Variants in MICU2 observed in about 807,000 individuals in gnomAD.
MICU2 encodes the protein calcium uptake protein 2, mitochondrial.
Under a neutral mutation model 60.4 loss-of-function variants are expected in MICU2, and 64 were observed. The observed-to-expected ratio is 1.06, with a 90% CI of 0.87 to 1.31. MICU2 has a LOEUF of 1.31. MICU2 is among the 50% of genes most tolerant of loss of function. The probability of loss-of-function intolerance (pLI) is 0.00; values close to 1 mark genes in which losing one functional copy is unlikely to be tolerated. For synonymous variants in MICU2, 201 were observed against 175.0 expected (o/e 1.15, Z -1.17); for missense variants, 569 against 531.0 (o/e 1.07, Z -0.70).
intron 4 of MICU2, among the ~76,000 whole-genome samples, chr13:21,526,875 T>G (rs1886870817): frequency 6.6e-6 from 1 of 151,686 alleles, no homozygotes; most frequent in Non-Finnish European, 1.5e-5. Flanking sequence ...GTGATGACGG[T>G]GGGAATGTAT....
chr13:21,581,356 G>A (rs980199153), intron 1 of MICU2, among the ~76,000 whole-genome samples: 23 of 152,302 alleles, frequency 1.5e-4, no homozygotes, highest in Non-Finnish European at 1.5e-5. Flanking sequence ...GGCCTCAAGT[G>A]ATCCACCCAC....
chr13:21,554,600 C>A (rs1023769475), intron 2 of MICU2, among the ~76,000 whole-genome samples: 3 of 152,000 alleles, frequency 2.0e-5, no homozygotes, highest in Non-Finnish European at 2.9e-5. Context: ...AAAATTGACA[C>A]CCTAACATCA....
chr13:21,498,263 C>T (rs1013659451), intron 9 of MICU2, among the ~76,000 whole-genome samples: 1 of 151,028 alleles, frequency 6.6e-6, no homozygotes, highest in African/African-American at 2.4e-5. Flanking sequence ...AAAATTCAAA[C>T]AACATGAAGG....
intron 2 of MICU2, among the ~76,000 whole-genome samples, chr13:21,563,530 T>C (rs1481778240): frequency 2.0e-5 from 3 of 152,156 alleles, no homozygotes; most frequent in Non-Finnish European, 4.4e-5. Flanking sequence ...CTTGGTGTTT[T>C]TGTGAACTTC....
At chr13:21,524,256 A>C (rs182621427) in intron 4 of MICU2, among the ~76,000 whole-genome samples, 248 of 152,282 alleles carry the variant, frequency 1.6e-3, no homozygotes, top group African/African-American at 5.7e-3. Context: ...ATTATATATA[A>C]TTATATTAAA....
chr13:21,587,498 A>T (rs74782245), intron 1 of MICU2, among the ~76,000 whole-genome samples: 3,688 of 152,330 alleles, frequency 0.024, 123 homozygotes, highest in African/African-American at 0.079. Flanking sequence ...AAAGTGCATG[A>T]ATCATGAGGA....
intron 7 of MICU2, among the ~76,000 whole-genome samples, chr13:21,511,469 C>T (rs1276664789): frequency 6.6e-6 from 1 of 152,090 alleles, no homozygotes; most frequent in African/African-American, 2.4e-5. Flanking sequence ...CTCATGAGAC[C>T]TTTAAAGAAA....
chr13:21,547,127 T>C (rs372026651), intron 2 of MICU2, among the ~76,000 whole-genome samples: 3 of 152,194 alleles, frequency 2.0e-5, no homozygotes, highest in African/African-American at 7.2e-5. Context: ...ACTGGCTTTA[T>C]GTACTTACTG....
At chr13:21,593,141 C>G (rs1276496236) in intron 1 of MICU2, among the ~76,000 whole-genome samples, 3 of 152,158 alleles carry the variant, frequency 2.0e-5, no homozygotes, top group East Asian at 3.9e-4. Context: ...CCAAAAACTT[C>G]TTGAGCTGAT....
intron 6 of MICU2, among the ~76,000 whole-genome samples, chr13:21,517,979 T>C (rs967148355): frequency 6.6e-6 from 1 of 152,208 alleles, no homozygotes; most frequent in Non-Finnish European, 1.5e-5. Flanking sequence ...TTCATTTCTA[T>C]GATCAGCACA....
At chr13:21,496,920 GGC>G (rs1489118986) in intron 9 of MICU2, among the ~76,000 whole-genome samples, 1 of 152,010 alleles carries the variant, frequency 6.6e-6, no homozygotes, top group Non-Finnish European at 1.5e-5. Context: ...AAATTAGCCG[GGC>G]GTGGTGGCAG....
chr13:21,569,716 T>C (rs1192896193), intron 1 of MICU2, among the ~76,000 whole-genome samples: 1 of 151,542 alleles, frequency 6.6e-6, no homozygotes, highest in Admixed American at 6.6e-5. Flanking sequence ...ATTAAGTATG[T>C]AGTATATGCA....
chr13:21,590,678 C>G (rs1351019328), intron 1 of MICU2, among the ~76,000 whole-genome samples: 1 of 152,030 alleles, frequency 6.6e-6, no homozygotes, highest in African/African-American at 2.4e-5. Context: ...CATGGTGAAA[C>G]CCCCGTTTCT....
intron 1 of MICU2, among the ~76,000 whole-genome samples, chr13:21,567,492 G>C (rs1206321274): frequency 6.6e-6 from 1 of 152,224 alleles, no homozygotes; most frequent in African/African-American, 2.4e-5. Flanking sequence ...GAGGGCAACA[G>C]AACATGTGAA....
At chr13:21,571,275 A>G (rs1888101423) in intron 1 of MICU2, among the ~76,000 whole-genome samples, 1 of 152,252 alleles carries the variant, frequency 6.6e-6, no homozygotes, top group Non-Finnish European at 1.5e-5. Flanking sequence ...CACAGTTAGA[A>G]TATCAGTTTG....
At chr13:21,508,119 C>T (rs951329847) in intron 8 of MICU2, among the ~76,000 whole-genome samples, 1 of 149,794 alleles carries the variant, frequency 6.7e-6, no homozygotes, top group African/African-American at 2.5e-5. Context: ...TAGTTCAAGG[C>T]TCTTCTTTCT....
At chr13:21,493,421 T>G in intron 11 of MICU2, 68 bp from the exon 12 acceptor site, 1 of 1,081,502 alleles carries the variant, frequency 9.2e-7, no homozygotes, top group Admixed American at 2.5e-5. Flanking sequence ...ATATATACTT[T>G]ACGTTACTGT....
chr13:21,538,296 G>A (rs1228709683), intron 4 of MICU2, among the ~76,000 whole-genome samples: 1 of 151,976 alleles, frequency 6.6e-6, no homozygotes, highest in Non-Finnish European at 1.5e-5. Flanking sequence ...AAGGTCTGGT[G>A]TGGTGGCTCA....
chr13:21,592,179 G>A (rs542491117), intron 1 of MICU2, among the ~76,000 whole-genome samples: 3 of 152,074 alleles, frequency 2.0e-5, no homozygotes, highest in Non-Finnish European at 2.9e-5. Context: ...TGATAAAGGG[G>A]ATATCACCAC....
Sources: gnomAD v4.1 joint callset for allele counts (sites outside exome capture counted in the v4.1 genomes callset) on GRCh38, gnomAD v4.1.1 for gene constraint, MANE v1.5 for transcripts, NCBI Gene and HGNC (gene_info 2026-07-23, HGNC 2026-07-21) for gene names.